TTC6: variants seen among roughly 807,000 people sequenced by gnomAD.
The protein encoded by TTC6 is tetratricopeptide repeat protein 6.
In TTC6, 172 loss-of-function variants were observed where a neutral mutation model predicts 210.4. The ratio of observed to expected loss-of-function variants is 0.82; its 90% CI spans 0.72 to 0.93. The LOEUF (loss-of-function observed/expected upper bound fraction) is 0.93. Among genes scored for constraint, TTC6 ranks in the 40% least tolerant of loss-of-function variants. TTC6 has a pLI of 0.00. For synonymous variants in TTC6, 804 were observed against 819.6 expected, an observed-to-expected ratio of 0.98 and a Z score of 0.32; for missense variants, 2,414 against 2,318.1, an observed-to-expected ratio of 1.04 and a Z score of -0.85.
chr14:37,757,474 C>T (rs1014589650), intron 14 of TTC6, among the ~76,000 whole-genome samples: 3 of 151,804 alleles, frequency 2.0e-5, no homozygotes, highest in East Asian at 3.9e-4. Context: ...GGGGTTTCAC[C>T]GTGTTAGTCA....
intron 27 of TTC6, among the ~76,000 whole-genome samples, chr14:37,824,319 C>G (rs758307765): frequency 3.9e-5 from 6 of 152,104 alleles, no homozygotes; most frequent in Non-Finnish European, 7.4e-5. Context: ...GCTTATATAC[C>G]TAGGCCCCAC....
At chr14:37,675,089 G>A (rs2095766128) in intron 1 of TTC6, among the ~76,000 whole-genome samples, 1 of 151,812 alleles carries the variant, frequency 6.6e-6, no homozygotes, top group Admixed American at 6.6e-5. Flanking sequence ...TTCATATAAT[G>A]TAAAATTAAC....
At chr14:37,616,111 T>G (rs2095642225) in intron 2 of TTC6, among the ~76,000 whole-genome samples, 1 of 152,204 alleles carries the variant, frequency 6.6e-6, no homozygotes, top group South Asian at 2.1e-4. Flanking sequence ...GTTCAGCTCT[T>G]TAAGCCTTTA....
intron 20 of TTC6, among the ~76,000 whole-genome samples, chr14:37,801,622 C>A (rs1595286824): frequency 6.6e-6 from 1 of 152,168 alleles, no homozygotes; most frequent in East Asian, 1.9e-4. Flanking sequence ...GTTGTGACTT[C>A]TTATGGAGAG....
chr14:37,650,978 T>G (rs1190493077), intron 1 of TTC6, among the ~76,000 whole-genome samples: 2 of 152,216 alleles, frequency 1.3e-5, no homozygotes, highest in African/African-American at 2.4e-5. Context: ...GATGCTAGTT[T>G]GAGAACTGGT....
intron 5 of TTC6, among the ~76,000 whole-genome samples, chr14:37,713,262 C>T (rs951690146): frequency 2.0e-5 from 3 of 152,210 alleles, no homozygotes; most frequent in African/African-American, 7.2e-5. Flanking sequence ...TTAGAACCTT[C>T]TGCCTTCTAA....
At chr14:37,685,714 T>C (rs960760448) in intron 3 of TTC6, among the ~76,000 whole-genome samples, 2 of 152,160 alleles carry the variant, frequency 1.3e-5, no homozygotes, top group South Asian at 4.1e-4. Context: ...AGAGTTAACT[T>C]GAATATCTGA....
At chr14:37,784,091 G>A (rs565543630) in intron 14 of TTC6, among the ~76,000 whole-genome samples, 3 of 152,284 alleles carry the variant, frequency 2.0e-5, no homozygotes, top group African/African-American at 2.4e-5. Flanking sequence ...GTGGTGCTGA[G>A]AAGAATGTAT....
chr14:37,647,998 C>T (rs1286692962), intron 1 of TTC6, among the ~76,000 whole-genome samples: 1 of 152,038 alleles, frequency 6.6e-6, no homozygotes, highest in East Asian at 1.9e-4. Flanking sequence ...AGCGTTATAA[C>T]TATAATATTA....
At position 37,787,679 on chromosome 14, in the gene TTC6, A is replaced by G. The variant is rs951776487; in HGVS notation, c.3436+42A>G. On this transcript the variant is annotated intron_variant, in intron 15 of 30. Coordinates refer to ENST00000553443, the Ensembl canonical transcript of TTC6. ...TACATGTATATAGCAACCCAATCTGAGATTCAACAGCTCAGTTTCATAGTG... is the reference window on the plus strand; with the variant it reads ...TACATGTATATAGCAACCCAATCTGGGATTCAACAGCTCAGTTTCATAGTG... 3.3e-5 allele frequency: 45 copies of G among 1,377,648 alleles called. No homozygotes were observed. In the African/African-American group the frequency reaches 3.4e-4, roughly 11 times the overall value. 85.3% of individuals were successfully genotyped at this position (1,377,648 alleles called of 1,614,324 possible). A position where few individuals can be genotyped will look rare whatever the true frequency, so the allele number is the denominator to read the frequency against.
chr14:37,817,357 A>G (rs1187724876), intron 25 of TTC6, among the ~76,000 whole-genome samples: 1 of 152,200 alleles, frequency 6.6e-6, no homozygotes, highest in Non-Finnish European at 1.5e-5. Flanking sequence ...TGAGTCTACA[A>G]TAATAGGTTT....
rs1346408571 is a variant in TTC6 at position 37,749,402 on chromosome 14, G to A, written c.2826+1G>A. The A allele has an allele frequency of 1.1e-5, 16 of 1,405,580 alleles. No homozygotes were observed. In the South Asian group the frequency reaches 2.4e-4, roughly 21 times the overall value. The allele number at this position is 1,405,580 out of a possible 1,614,324, so 87.1% of individuals were successfully genotyped here. ...GAGTGCCATGAATGATCTGCAGAGAGTAAGTTTTCTTTAACCAAAATAGTA... is the reference window on the plus strand; with the variant it reads ...GAGTGCCATGAATGATCTGCAGAGAATAAGTTTTCTTTAACCAAAATAGTA... On this transcript the variant is annotated splice_donor_variant, in intron 11 of 30. Transcript: ENST00000553443. LOFTEE classifies it high-confidence loss of function.
At chr14:37,842,050 T>G in intron 30 of TTC6, 105 bp from the exon 33 acceptor site, 2 of 1,003,566 alleles carry the variant, frequency 2.0e-6, no homozygotes, top group Non-Finnish European at 2.8e-6. Flanking sequence ...ATTTCATCCA[T>G]TGAGTTAATT....
chr14:37,759,698 CT>C, intron 14 of TTC6, among the ~76,000 whole-genome samples: 1 of 152,202 alleles, frequency 6.6e-6, no homozygotes, highest in Non-Finnish European at 1.5e-5. Context: ...TTGTTCATTC[CT>C]TTTCATTCTT....
chr14:37,796,784 T>A lies in TTC6; in HGVS notation c.3869-3T>A, dbSNP rs1205110031. 15 of 1,594,716 alleles carry A rather than the reference T, an allele frequency of 9.4e-6. No homozygotes were observed. The highest frequency in any genetic ancestry group is 6.8e-6 in the Non-Finnish European group (8 of 1,172,798). ...ATATTGATAAACTTTCCTTCCCTTT[T>A]AGGTCTCAGTGAGTTGAGTCCTATG... On this transcript the variant is annotated splice_region_variant and splice_polypyrimidine_tract_variant and intron_variant, in intron 19 of 30. Coordinates refer to ENST00000553443, the Ensembl canonical transcript of TTC6.
rs532690678 is a variant in TTC6 at position 37,670,474 on chromosome 14, C to CCTTTTT, written c.940-9677_940-9676insCTTTTT. 1.1e-3 allele frequency among the ~76,000 whole-genome samples: 135 copies of CCTTTTT among 121,316 alleles called. 6 individuals carry two copies. The highest frequency in any genetic ancestry group is 1.3e-3 in the Non-Finnish European group (77 of 59,538). 79.6% of individuals were successfully genotyped at this position (121,316 alleles called of 152,430 possible). ...TAAGGATCTAGCACAAACTACCTCA[C>CCTTTTT]TTTTTTTTTTTTTTTTTTTTTAGTC... is the stretch of plus-strand genomic sequence containing the variant. On this transcript the variant is annotated intron_variant, in intron 1 of 30. Coordinates refer to ENST00000553443, the Ensembl canonical transcript of TTC6.
At chr14:37,807,417 T>C (rs985966871) in exon 23 of TTC6, 51 of 1,530,202 alleles carry the variant, frequency 3.3e-5, no homozygotes, top group Non-Finnish European at 4.5e-5. Flanking sequence ...CCTGAAAGCG[T>C]ACGTGCCTAT....
intron 1 of TTC6, among the ~76,000 whole-genome samples, chr14:37,663,199 T>C (rs2095740937): frequency 6.6e-6 from 1 of 152,180 alleles, no homozygotes; most frequent in Non-Finnish European, 1.5e-5. Flanking sequence ...TTTCTTGGCA[T>C]GACTGTTGTT....
chr14:37,644,262 T>C (rs1167983618), intron 1 of TTC6, among the ~76,000 whole-genome samples: 1 of 152,054 alleles, frequency 6.6e-6, no homozygotes, highest in African/African-American at 2.4e-5. Context: ...TAAAAAAAGG[T>C]CTTATAAAAA....
Sources: gnomAD v4.1 joint callset for allele counts (sites outside exome capture counted in the v4.1 genomes callset) on GRCh38, gnomAD v4.1.1 for gene constraint, MANE v1.5 for transcripts, NCBI Gene and HGNC (gene_info 2026-07-23, HGNC 2026-07-21) for gene names.